ADGRF1: variants seen among roughly 807,000 people sequenced by gnomAD.
ADGRF1 encodes the protein G protein-coupled receptor 110.
Under a neutral mutation model 87.2 loss-of-function variants are expected in ADGRF1, and 85 were observed. The ratio of observed to expected loss-of-function variants is 0.97; its 90% CI spans 0.82 to 1.17. ADGRF1 has a LOEUF of 1.17. Among genes scored for constraint, ADGRF1 ranks in the 50% most tolerant of loss-of-function variants. ADGRF1 has a pLI of 0.00. For synonymous variants in ADGRF1, 430 were observed against 408.8 expected (o/e 1.05, Z -0.63); for missense variants, 1,169 against 1,077.2 (o/e 1.09, Z -1.19).
intron 2 of ADGRF1, among the ~76,000 whole-genome samples, chr6:47,028,537 G>T (rs1215839095): frequency 6.6e-6 from 1 of 152,208 alleles, no homozygotes; most frequent in Non-Finnish European, 1.5e-5. Context: ...ATATGTGAGT[G>T]TGGACAGGGG....
chr6:47,024,123 A>G lies in ADGRF1; in HGVS notation c.372T>C (p.Leu124=). 6.2e-7 allele frequency: 1 copy of G among 1,614,084 alleles called. No individual in the cohort carries two copies. Among genetic ancestry groups the G allele is most frequent in the Non-Finnish European group, 8.5e-7 (1 of 1,179,956 alleles). The change falls in exon 5 of 15, where the codon CTT becomes CTC. Residue 124 remains leucine (L), a synonymous_variant. Coordinates refer to ENST00000371253, the MANE Select transcript of ADGRF1 (RefSeq NM_153840.4). ...PSCLDPQNCY[L]HTAGALPSCE... is the part of the protein sequence containing the mutation. ...AGCTTGGGAGTGCTCCAGCCGTGTG[A>G]AGGTAGCAGTTCTGGGGATCAAGGC...
Position 47,009,861 on chromosome 6 carries a change from A to G in ADGRF1, c.1574T>C (p.Ile525Thr), listed in dbSNP as rs193250765. 6.2e-7 allele frequency: 1 copy of G among 1,614,030 alleles called. No homozygotes were observed. The highest frequency in any genetic ancestry group is 2.2e-5 in the East Asian group (1 of 44,876). Residue 525 changes from isoleucine to threonine, a missense_variant, in exon 11 of 15, where the codon ATA becomes ACA. Physicochemically the swap from Ile to Thr is moderately conservative, Grantham distance 89 (BLOSUM62 -1). Coordinates refer to ENST00000371253, the MANE Select transcript of ADGRF1 (RefSeq NM_153840.4). ...ATGAGGCTGGCTCAGGTTTGACTCTATCTTGGAAAAAAATAGGAAAACTTC... is the reference window on the plus strand; with the variant it reads ...ATGAGGCTGGCTCAGGTTTGACTCTGTCTTGGAAAAAAATAGGAAAACTTC... ...INEVFLFFSK[I>T]ESNLSQPHCV...
Position 47,000,157 on chromosome 6 carries a change from T to C in ADGRF1, c.*65A>G, listed in dbSNP as rs1419606052. 7 of 1,223,020 alleles carry C rather than the reference T, an allele frequency of 5.7e-6. No homozygotes were observed. The highest frequency in any genetic ancestry group is 1.2e-5 in the South Asian group (1 of 81,048). 75.8% of individuals were successfully genotyped at this position (1,223,020 alleles called of 1,614,324 possible). A position where few individuals can be genotyped will look rare whatever the true frequency, so the allele number is the denominator to read the frequency against. The stretch of plus-strand genomic sequence containing the variant: ...TCGAATACTGAGCATAATTTCTTCA[T>C]TGACATTTGTCTCTAAATGTCAAGT... On this transcript the variant is annotated 3_prime_UTR_variant, in exon 15 of 15. Transcript: ENST00000371253.
Position 47,021,959 on chromosome 6 carries a change from T to G in ADGRF1, c.551A>C (p.Gln184Pro), listed in dbSNP as rs1453557799. ...YSKYANGIEI[Q>P]LKKAYERIQG... ...ATATAATAAGTAGAAAGTGCTTACT[T>G]GAATTTCAATTCCATTTGCATATTT... Residue 184 changes from glutamine to proline, a missense_variant and splice_region_variant, in exon 6 of 15, where the codon CAA (glutamine) becomes CCA (proline). Gln to Pro is a moderately conservative substitution (Grantham distance 76, BLOSUM62 -1). Coordinates refer to ENST00000371253, the MANE Select transcript of ADGRF1 (RefSeq NM_153840.4). 1.3e-6 allele frequency: 2 copies of G among 1,537,074 alleles called. No homozygotes were observed. Among genetic ancestry groups the G allele is most frequent in the African/African-American group, 2.7e-5 (2 of 72,904 alleles).
At chr6:47,000,701 C>T (rs532998389) in intron 14 of ADGRF1, among the ~76,000 whole-genome samples, 2 of 152,220 alleles carry the variant, frequency 1.3e-5, no homozygotes, top group East Asian at 1.9e-4. Context: ...CCCAAGGGTC[C>T]GGGACAAGCA....
At chr6:47,011,248 G>T (rs1779695759) in intron 10 of ADGRF1, among the ~76,000 whole-genome samples, 1 of 151,984 alleles carries the variant, frequency 6.6e-6, no homozygotes, top group Non-Finnish European at 1.5e-5. Flanking sequence ...TTAACTCAGG[G>T]AGTTTAACTT....
Position 47,024,144 on chromosome 6 carries a change from A to G in ADGRF1, c.351T>C (p.Leu117=). 6.2e-7 allele frequency: 1 copy of G among 1,614,080 alleles called. No homozygotes were observed. Among genetic ancestry groups the G allele is most frequent in the South Asian group, 1.1e-5 (1 of 91,080 alleles). The part of the protein sequence containing the change: ...DSYTWFPPSC[L]DPQNCYLHTA... ...TGTGAAGGTAGCAGTTCTGGGGATC[A>G]AGGCATGAGGGAGGAAACCAGGTGT... Residue 117 remains leucine, a synonymous_variant, in exon 5 of 15, where the codon CTT becomes CTC. Transcript: ENST00000371253.
chr6:47,008,766 G>A (rs1360400370), intron 11 of ADGRF1, among the ~76,000 whole-genome samples, 179 bp downstream of exon 11: 2 of 152,206 alleles, frequency 1.3e-5, no homozygotes, highest in African/African-American at 2.4e-5. Context: ...TTCTGCTTCA[G>A]TATGATAGTA....
At position 47,014,764 on chromosome 6, in the gene ADGRF1, T is replaced by C. The variant is rs1695096205; in HGVS notation, c.844A>G (p.Asn282Asp). The C allele has an allele frequency of 1.9e-6, 3 of 1,613,970 alleles. No individual in the cohort carries two copies. Among genetic ancestry groups the C allele is most frequent in the South Asian group, 1.1e-5 (1 of 91,088 alleles). ...GAGGACTCACACTTGGCTGTGATGT[T>C]TCCCCTGTAGCCACTGCTGCAGGGC... ...TLPCSSGYRG[N>D]ITAKCESSGW... The change falls in exon 9 of 15, where the codon AAC (asparagine) becomes GAC (aspartate). Residue 282 changes from asparagine to aspartate, a missense_variant. Coordinates refer to ENST00000371253, the MANE Select transcript of ADGRF1 (RefSeq NM_153840.4).
Position 47,009,947 on chromosome 6 carries a change from A to AT in ADGRF1, c.1487dup (p.Asn496LysfsTer22), listed in dbSNP as rs781149411. On this transcript the variant is annotated frameshift_variant, in exon 11 of 15. Transcript: ENST00000371253. LOFTEE classifies it high-confidence loss of function. ...CAGGTCCATTGACCTGAGCATTTCC[A>AT]TTTTTGGAAACGGGTAGAATGTTCC... is the stretch of plus-strand genomic sequence containing the variant. 6.2e-7 allele frequency: 1 copy of AT among 1,614,114 alleles called. No individual in the cohort carries two copies. The highest frequency in any genetic ancestry group is 2.2e-5 in the East Asian group (1 of 44,884).
At chr6:47,008,331 A>G (rs1779588813) in intron 11 of ADGRF1, among the ~76,000 whole-genome samples, 1 of 152,198 alleles carries the variant, frequency 6.6e-6, no homozygotes, top group African/African-American at 2.4e-5. Context: ...GACTGTGCCA[A>G]GTAAAAACCC....
Position 47,000,175 on chromosome 6 carries a change from T to C in ADGRF1, c.*47A>G. On this transcript the variant is annotated 3_prime_UTR_variant, in exon 15 of 15. Transcript: ENST00000371253. ...TTCTTCATTGACATTTGTCTCTAAA[T>C]GTCAAGTTGTTCTGGAAATTTTTTC... The C allele has an allele frequency of 1.5e-6, 2 of 1,377,398 alleles. No homozygotes were observed. The highest frequency in any genetic ancestry group is 2.1e-6 in the Non-Finnish European group (2 of 970,426). 85.3% of individuals were successfully genotyped at this position (1,377,398 alleles called of 1,614,324 possible). A position where few individuals can be genotyped will look rare whatever the true frequency, so the allele number is the denominator to read the frequency against.
intron 1 of ADGRF1, among the ~76,000 whole-genome samples, chr6:47,031,201 C>G (rs1028547570): frequency 2.0e-5 from 3 of 152,088 alleles, no homozygotes; most frequent in African/African-American, 7.2e-5. Context: ...CCTCTTTGTG[C>G]CAGTCTGTTT....
At chr6:47,019,226 C>A (rs956780211) in intron 7 of ADGRF1, 14 of 876,124 alleles carry the variant, frequency 1.6e-5, no homozygotes, top group African/African-American at 1.8e-5. Flanking sequence ...ACAAGGATCA[C>A]AGAAAAGAAA....
At chr6:47,014,180 C>CA (rs1779791811) in intron 9 of ADGRF1, 7 of 889,128 alleles carry the variant, frequency 7.9e-6, no homozygotes, top group Non-Finnish European at 9.4e-6. Context: ...TTCTGATCTG[C>CA]AAAATGAGGT....
chr6:47,006,849 A>C (rs1779547611), intron 12 of ADGRF1, among the ~76,000 whole-genome samples: 1 of 152,230 alleles, frequency 6.6e-6, no homozygotes, highest in South Asian at 2.1e-4. Context: ...CTTACTGTTT[A>C]AAACTCTACA....
rs768957709 is a variant in ADGRF1, at chr6:47,000,260, C to G, written c.2695G>C (p.Asp899His). ...YAFSHTGDSS[D>H]NIMLTQFVSN... ...ACAAACTGAGTTAGCATGATGTTGT[C>G]GGAGGAATCTCCAGTATGAGAAAAT... Residue 899 changes from aspartate to histidine, a missense_variant, in exon 15 of 15, where the codon GAC (aspartate) becomes CAC (histidine). Asp to His is a moderately conservative substitution (Grantham distance 81, BLOSUM62 -1). Transcript: ENST00000371253. The G allele has an allele frequency of 6.2e-7, 1 of 1,604,868 alleles. No homozygotes were observed. The highest frequency in any genetic ancestry group is 1.7e-5 in the Admixed American group (1 of 59,922).
At chr6:47,013,018 C>T (rs1281875612) in intron 9 of ADGRF1, 7 of 949,650 alleles carry the variant, frequency 7.4e-6, no homozygotes, top group African/African-American at 5.3e-5. Flanking sequence ...ATGATCTGCC[C>T]GGCTTGGCCT....
intron 3 of ADGRF1, 39 bp from the exon 4 acceptor site, chr6:47,026,042 C>A: frequency 1.3e-6 from 2 of 1,515,996 alleles, no homozygotes; most frequent in South Asian, 1.3e-5. Context: ...TTTTTTCTGT[C>A]CTTGGGGAAA....
Sources: allele counts gnomAD v4.1 joint callset (sites outside exome capture counted in the v4.1 genomes callset), GRCh38; gene constraint gnomAD v4.1.1; transcripts MANE v1.5; gene names NCBI Gene and HGNC (gene_info 2026-07-23, HGNC 2026-07-21).